Variants in SCYL3 observed in about 807,000 individuals in gnomAD.
SCYL3 encodes SCY1 like pseudokinase 3, also known as protein-associating with the carboxyl-terminal domain of ezrin.
SCYL3 carries 35 observed loss-of-function variants against 73.8 expected under a neutral mutation model. The ratio of observed to expected loss-of-function variants is 0.47; its 90% CI spans 0.36 to 0.63. The LOEUF (loss-of-function observed/expected upper bound fraction) is 0.63, where lower values mean the gene tolerates loss of function less well. Ranked by LOEUF, SCYL3 falls within the 20% of genes least tolerant of loss-of-function variation. The pLI is 0.00. For missense variants in SCYL3, 712 were observed against 798.9 expected, an observed-to-expected ratio of 0.89 and a Z score of 1.31; for synonymous variants, 277 against 295.2, an observed-to-expected ratio of 0.94 and a Z score of 0.63.
intron 8 of SCYL3, among the ~76,000 whole-genome samples, chr1:169,866,639 C>G (rs998705341): frequency 6.6e-6 from 1 of 152,176 alleles, no homozygotes; most frequent in East Asian, 1.9e-4. Context: ...CTCCTCCTGC[C>G]CTGTGTGTTC....
In SCYL3 at chr1:169,888,777, A is replaced by G. The variant is rs778976466; in HGVS notation, c.64T>C (p.Ser22Pro). 11 of 1,614,146 alleles carry G rather than the reference A, an allele frequency of 6.8e-6. No individual in the cohort carries two copies. The highest frequency in any genetic ancestry group is 1.6e-4 in the Middle Eastern group (1 of 6,062). Residue 22 changes from serine (S) to proline (P), a missense_variant, in exon 2 of 13, where the codon TCT (serine) becomes CCT (proline). Ser to Pro is a moderately conservative substitution (Grantham distance 74). Coordinates refer to ENST00000367771, the MANE Select transcript of SCYL3 (RefSeq NM_020423.7). ...TLREPPFTLP[S>P]GLAVYPAVLQ... is the part of the protein sequence containing the mutation. ...ACAGCGGGATAAACAGCAAGTCCAG[A>G]GGGTAAGGTAAATGGTGGTTCTCTC...
At chr1:169,855,964 G>A (rs2102132204) in intron 11 of SCYL3, 1 of 1,607,380 alleles carries the variant, frequency 6.2e-7, no homozygotes, top group Non-Finnish European at 8.5e-7. Context: ...GAATCTGAAG[G>A]TAAATAAAAA....
At chr1:169,875,601 C>T (rs1412380134) in intron 4 of SCYL3, among the ~76,000 whole-genome samples, 1 of 152,314 alleles carries the variant, frequency 6.6e-6, no homozygotes, top group South Asian at 2.1e-4. Context: ...ATAAGAGACT[C>T]ACACCCTTAA....
intron 1 of SCYL3, among the ~76,000 whole-genome samples, chr1:169,893,545 C>T (rs889294769): frequency 6.6e-6 from 1 of 152,132 alleles, no homozygotes; most frequent in East Asian, 1.9e-4. Flanking sequence ...GCGCCTCACC[C>T]GTCGGGGGCC....
intron 9 of SCYL3, among the ~76,000 whole-genome samples, chr1:169,864,075 A>T (rs1432337395): frequency 6.6e-6 from 1 of 152,210 alleles, no homozygotes; most frequent in Admixed American, 6.5e-5. Context: ...TGATAAATGT[A>T]AAAGTTCTTT....
chr1:169,853,077 T>C lies in SCYL3; in HGVS notation c.*636A>G. The C allele has an allele frequency of 7.9e-7, 1 of 1,261,282 alleles. No individual in the cohort carries two copies. Among genetic ancestry groups the C allele is most frequent in the Non-Finnish European group, 1.1e-6 (1 of 887,390 alleles). The allele number at this position is 1,261,282 out of a possible 1,614,324, so 78.1% of individuals were successfully genotyped here. The stretch of plus-strand genomic sequence containing the variant: ...TTTCTAACAGATATAAAACAAATTT[T>C]GTAAAGTTGAATCTAGTGAAAATAA... On this transcript the variant is annotated 3_prime_UTR_variant, in exon 13 of 13. Coordinates refer to ENST00000367771, the MANE Select transcript of SCYL3 (RefSeq NM_020423.7).
chr1:169,851,045 CTTTTTTTTTTTTTTTTT>C lies in SCYL3; in HGVS notation c.*2651_*2667del, dbSNP rs58984684. 1 of 17,308 alleles carries C rather than the reference CTTTTTTTTTTTTTTTTT, an allele frequency of 5.8e-5. No individual in the cohort carries two copies. The highest frequency in any genetic ancestry group is 1.0e-4 in the Non-Finnish European group (1 of 9,632). 1.1% of individuals were successfully genotyped at this position (17,308 alleles called of 1,614,324 possible). A position where few individuals can be genotyped will look rare whatever the true frequency, so the allele number is the denominator to read the frequency against. On this transcript the variant is annotated 3_prime_UTR_variant, in exon 13 of 13. Transcript: ENST00000367771. ...CCCAAGCCAGGGTAAGCTCAGGGCC[CTTTTTTTTTTTTTTTTT>C]TTTTTTTTTTTGGCATGGCTTTTTT...
At chr1:169,854,139 ATT>A (rs367742032) in intron 12 of SCYL3, 129 bp downstream of exon 12, 2 of 695,906 alleles carry the variant, frequency 2.9e-6, no homozygotes, top group Non-Finnish European at 4.5e-6. Flanking sequence ...ATAGAAACTG[ATT>A]TTGTTAATTT....
At position 169,862,642 on chromosome 1, in the gene SCYL3, C is replaced by G. The variant is rs766212342; in HGVS notation, c.1111G>C (p.Glu371Gln). The G allele has an allele frequency of 6.2e-7, 1 of 1,614,190 alleles. No homozygotes were observed. Among genetic ancestry groups the G allele is most frequent in the East Asian group, 2.2e-5 (1 of 44,882 alleles). Residue 371 changes from glutamate to glutamine, a missense_variant, in exon 10 of 13, where the codon GAG (glutamate) becomes CAG (glutamine). Transcript: ENST00000367771. ...IEAYVEHFTQ[E>Q]QLKKVILPQV... The stretch of plus-strand genomic sequence containing the variant: ...GGCAAGATGACTTTCTTCAGCTGCT[C>G]CTGAGTGAAGTGCTCCACGTAGGCC...
intron 5 of SCYL3, among the ~76,000 whole-genome samples, chr1:169,872,643 C>G (rs927981981): frequency 6.6e-6 from 1 of 152,188 alleles, no homozygotes; most frequent in Non-Finnish European, 1.5e-5. Context: ...CCTGTGAAAG[C>G]AGCCAGGAGG....
rs766963302 is a variant in SCYL3 at position 169,860,441 on chromosome 1, C to T, written c.1141-1229G>A. The stretch of plus-strand genomic sequence containing the variant: ...GGCCTGCCTACTGGAAGCAGCAGGG[C>T]GTGACAGGTATCAGGAATCTTTGGT... On this transcript the variant is annotated intron_variant, in intron 10 of 12. Coordinates refer to ENST00000367771, the MANE Select transcript of SCYL3 (RefSeq NM_020423.7). Among the ~76,000 whole-genome samples the T allele has an allele frequency of 4.7e-4, 72 of 152,194 alleles. 1 individual carries two copies. Among genetic ancestry groups the T allele is most frequent in the Admixed American group, 9.8e-4 (15 of 15,290 alleles).
intron 2 of SCYL3, among the ~76,000 whole-genome samples, chr1:169,883,364 C>A (rs1324095210): frequency 6.6e-6 from 1 of 152,188 alleles, no homozygotes; most frequent in Admixed American, 6.5e-5. Flanking sequence ...TACCAGTCTG[C>A]AGCCTAGGGG....
At position 169,854,421 on chromosome 1, in the gene SCYL3, A is replaced by G; in HGVS notation, c.1856T>C (p.Met619Thr). The change falls in exon 12 of 13, where the codon ATG becomes ACG. Residue 619 changes from methionine (M) to threonine (T), a missense_variant. Transcript: ENST00000367771. ...VKKKPVKDPEMDWFADMIPEI... is the reference protein window; with the variant it reads ...VKKKPVKDPETDWFADMIPEI... ...TGGGATCATATCAGCAAACCAATCC[A>G]TCTCAGGATCTTTTACTGGCTTCTT... 6.2e-7 allele frequency: 1 copy of G among 1,614,070 alleles called. No individual in the cohort carries two copies. Among genetic ancestry groups the G allele is most frequent in the Non-Finnish European group, 8.5e-7 (1 of 1,179,970 alleles).
rs1450698531 is a variant in SCYL3, at chr1:169,859,101, T to C, written c.1252A>G (p.Thr418Ala). 6.2e-7 allele frequency: 1 copy of C among 1,614,052 alleles called. No individual in the cohort carries two copies. The highest frequency in any genetic ancestry group is 1.3e-5 in the African/African-American group (1 of 74,990). ...GPEVVVGGER[T>A]KIFKRTAPSF... ...GGGGCAGTGCGTTTGAAGATCTTGG[T>C]TCGTTCTCCTCCCACAACCACCTCT... The change falls in exon 11 of 13, where the codon ACC becomes GCC. Residue 418 changes from threonine to alanine, a missense_variant. Thr to Ala is a moderately conservative substitution (Grantham distance 58, BLOSUM62 0). Around this residue, in one of 2 missense-constraint regions of SCYL3, gnomAD observed 370 missense variants for 350.8 expected, o/e 1.05. Coordinates refer to ENST00000367771, the MANE Select transcript of SCYL3 (RefSeq NM_020423.7).
intron 8 of SCYL3, among the ~76,000 whole-genome samples, chr1:169,865,391 C>T (rs2102158319): frequency 6.6e-6 from 1 of 152,266 alleles, no homozygotes; most frequent in Non-Finnish European, 1.5e-5. Flanking sequence ...TACATTGATA[C>T]TCATTCCCAC....
intron 9 of SCYL3, among the ~76,000 whole-genome samples, 198 bp from the exon 10 acceptor site, chr1:169,862,995 CT>C (rs1659774203): frequency 6.6e-6 from 1 of 152,140 alleles, no homozygotes; most frequent in African/African-American, 2.4e-5. Context: ...TCACTGCAAC[CT>C]CCTCCTCCCA....
At chr1:169,865,783 C>T (rs554298758) in intron 8 of SCYL3, among the ~76,000 whole-genome samples, 2 of 152,238 alleles carry the variant, frequency 1.3e-5, no homozygotes, top group East Asian at 1.9e-4. Context: ...GGTACCTGTT[C>T]GTTCCTCCTA....
intron 11 of SCYL3, chr1:169,855,776 T>C (rs200525412): frequency 3.1e-6 from 5 of 1,603,814 alleles, no homozygotes; most frequent in Middle Eastern, 1.7e-4. Flanking sequence ...GGAAAAGCTA[T>C]ATAAATTTAA....
chr1:169,884,616 T>C (rs114713040), intron 2 of SCYL3, among the ~76,000 whole-genome samples: 2,794 of 152,276 alleles, frequency 0.018, 86 homozygotes, highest in African/African-American at 0.063. Context: ...TGTTTTGAGC[T>C]ACGGTTTCTG....
Sources: gnomAD v4.1 joint callset for allele counts (sites outside exome capture counted in the v4.1 genomes callset) on GRCh38, gnomAD v4.1.1 for gene constraint, gnomAD v4.1.1 regional missense constraint, MANE v1.5 for transcripts, NCBI Gene and HGNC (gene_info 2026-07-23, HGNC 2026-07-21) for gene names.